MDGA1: variants seen among roughly 807,000 people sequenced by gnomAD.
MDGA1 encodes the protein MAM domain-containing glycosylphosphatidylinositol anchor protein 1.
In MDGA1, 54 loss-of-function variants were observed where a neutral mutation model predicts 101.5. The ratio of observed to expected loss-of-function variants is 0.53; its 90% CI spans 0.43 to 0.67. MDGA1 has a LOEUF of 0.67. Among genes scored for constraint, MDGA1 ranks in the 30% least tolerant of loss-of-function variants. The probability of loss-of-function intolerance (pLI) is 0.00; values close to 1 mark genes in which losing one functional copy is unlikely to be tolerated. For synonymous variants in MDGA1, 533 were observed against 558.3 expected (o/e 0.95, Z 0.64); for missense variants, 1,083 against 1,323.8 (o/e 0.82, Z 2.82).
chr6:37,638,182 C>G lies in MDGA1; in HGVS notation c.2776+23G>C. 1 of 1,602,284 alleles carries G rather than the reference C, an allele frequency of 6.2e-7. No homozygotes were observed. Among genetic ancestry groups the G allele is most frequent in the Non-Finnish European group, 8.6e-7 (1 of 1,169,420 alleles). On this transcript the variant is annotated intron_variant, in intron 16 of 16. Coordinates refer to ENST00000434837, the MANE Select transcript of MDGA1 (RefSeq NM_153487.4). This position sits in a 1 kb window ranked among gnomAD's most constrained non-coding sequence, Gnocchi z 4.8. ...CACAGCTCCCTCCAGATTCAGCTCC[C>G]CCACCTCCTTCCCGTCTTGCACCTT... is the stretch of plus-strand genomic sequence containing the variant.
chr6:37,684,436 G>C (rs1463004363), intron 1 of MDGA1, among the ~76,000 whole-genome samples: 2 of 152,218 alleles, frequency 1.3e-5, no homozygotes, highest in Admixed American at 6.5e-5. Context: ...ACAGGGGTAG[G>C]GGAAGGATTA....
At chr6:37,642,593 C>A (rs1473021673) in intron 14 of MDGA1, among the ~76,000 whole-genome samples, 2 of 152,114 alleles carry the variant, frequency 1.3e-5, no homozygotes, top group African/African-American at 4.8e-5. Flanking sequence ...CCCTTTTGTA[C>A]CTTTTGGCCT....
intron 1 of MDGA1, among the ~76,000 whole-genome samples, chr6:37,672,484 C>G (rs138224446): frequency 7.9e-5 from 12 of 152,334 alleles, no homozygotes; most frequent in Admixed American, 7.8e-4. Flanking sequence ...GACTGTTGCC[C>G]TCTTCCTGCT....
chr6:37,649,180 T>A lies in MDGA1; in HGVS notation c.1696A>T (p.Ser566Cys). The change falls in exon 9 of 17, where the codon AGC becomes TGC. Residue 566 changes from serine (S) to cysteine (C), a missense_variant. Transcript: ENST00000434837. ...VLLRCSLLRG[S>C]PQRIASAVWR... ...ACAGCCGAGGCGATGCGCTGGGGGC[T>A]GCCTCGCAGCAGCGAGCAGCGCAGG... 1 of 1,499,076 alleles carries A rather than the reference T, an allele frequency of 6.7e-7. No homozygotes were observed. Among genetic ancestry groups the A allele is most frequent in the South Asian group, 1.3e-5 (1 of 79,234 alleles). The allele number at this position is 1,499,076 out of a possible 1,614,324, so 92.9% of individuals were successfully genotyped here.
intron 1 of MDGA1, among the ~76,000 whole-genome samples, chr6:37,680,499 C>T (rs954651078): frequency 6.6e-6 from 1 of 152,208 alleles, no homozygotes; most frequent in African/African-American, 2.4e-5. Flanking sequence ...TGAAGACGAC[C>T]GGACCCTGCA....
chr6:37,697,696 C>T lies in MDGA1; in HGVS notation c.-885G>A, dbSNP rs1157497406. 6.6e-6 allele frequency: 1 copy of T among 150,974 alleles called. No homozygotes were observed. Among genetic ancestry groups the T allele is most frequent in the Non-Finnish European group, 1.5e-5 (1 of 67,704 alleles). The allele number at this position is 150,974 out of a possible 1,614,324, so 9.4% of individuals were successfully genotyped here. Reference sequence around the variant, plus strand: ...CGTCTGGCCGCGGCCGTAGCCCTCCCGGGCTCCGAGCTCTCGGGAGAGCGG... The same window carrying T: ...CGTCTGGCCGCGGCCGTAGCCCTCCTGGGCTCCGAGCTCTCGGGAGAGCGG... On this transcript the variant is annotated 5_prime_UTR_variant, in exon 1 of 17. Coordinates refer to ENST00000434837, the MANE Select transcript of MDGA1 (RefSeq NM_153487.4).
chr6:37,632,174 T>A lies in MDGA1; in HGVS notation c.*5194A>T, dbSNP rs1362153395. On this transcript the variant is annotated 3_prime_UTR_variant, in exon 17 of 17. Coordinates refer to ENST00000434837, the MANE Select transcript of MDGA1 (RefSeq NM_153487.4). ...CCAACCCAAATAAGAACCCTCTTCATACCTTCTTTCATAGCACCAATTTCC... is the reference window on the plus strand; with the variant it reads ...CCAACCCAAATAAGAACCCTCTTCAAACCTTCTTTCATAGCACCAATTTCC... The A allele has an allele frequency of 6.6e-6, 1 of 152,234 alleles. No homozygotes were observed. The highest frequency in any genetic ancestry group is 2.1e-4 in the South Asian group (1 of 4,820). 9.4% of individuals were successfully genotyped at this position (152,234 alleles called of 1,614,324 possible).
At chr6:37,640,364 T>A (rs1434550759) in intron 14 of MDGA1, among the ~76,000 whole-genome samples, 3 of 151,598 alleles carry the variant, frequency 2.0e-5, no homozygotes, top group Non-Finnish European at 4.4e-5. Flanking sequence ...TCATTCTTTT[T>A]TCGGAGGGGG....
chr6:37,696,600 G>T lies in MDGA1; in HGVS notation c.67+145C>A. 1 of 749,514 alleles carries T rather than the reference G, an allele frequency of 1.3e-6. No individual in the cohort carries two copies. Among genetic ancestry groups the T allele is most frequent in the Non-Finnish European group, 2.3e-6 (1 of 443,514 alleles). 46.4% of individuals were successfully genotyped at this position (749,514 alleles called of 1,614,324 possible). On this transcript the variant is annotated intron_variant, in intron 1 of 16. Transcript: ENST00000434837. The surrounding 1 kb of genome is among the most constrained non-coding windows in gnomAD (Gnocchi z 5.6). ...CCGAAGCAGCTAGCTCGGTCTCCAC[G>T]CGCCCTGGAGAGGGCGGGGACGCGG...
At chr6:37,693,921 A>G (rs1762364425) in intron 1 of MDGA1, among the ~76,000 whole-genome samples, 1 of 152,152 alleles carries the variant, frequency 6.6e-6, no homozygotes, top group Non-Finnish European at 1.5e-5. Context: ...CCTATTGCAG[A>G]CCATGGATCC....
In MDGA1 at chr6:37,655,596, A is replaced by G; in HGVS notation, c.579+104T>C. 1 of 811,046 alleles carries G rather than the reference A, an allele frequency of 1.2e-6. No individual in the cohort carries two copies. The highest frequency in any genetic ancestry group is 1.9e-6 in the Non-Finnish European group (1 of 515,416). The allele number at this position is 811,046 out of a possible 1,614,324, so 50.2% of individuals were successfully genotyped here. A position where few individuals can be genotyped will look rare whatever the true frequency, so the allele number is the denominator to read the frequency against. On this transcript the variant is annotated intron_variant, in intron 4 of 16. Transcript: ENST00000434837. This position sits in a 1 kb window ranked among gnomAD's most constrained non-coding sequence, Gnocchi z 5.1. ...GAATGTGTGTTTCCAAAGTAAGAAT[A>G]GAATTGTTGAAGTCAAGGCAGTCCC...
At chr6:37,682,882 G>A (rs1361997223) in intron 1 of MDGA1, among the ~76,000 whole-genome samples, 1 of 152,226 alleles carries the variant, frequency 6.6e-6, no homozygotes, top group South Asian at 2.1e-4. Context: ...CCGGACTCAT[G>A]AGGCTCAGGT....
At position 37,663,933 on chromosome 6, in the gene MDGA1, G is replaced by C. The variant is rs745441017; in HGVS notation, c.207+34C>G. The C allele has an allele frequency of 1.4e-5, 22 of 1,612,250 alleles. No individual in the cohort carries two copies. In the South Asian group the frequency reaches 2.2e-4, roughly 16 times the overall value. On this transcript the variant is annotated intron_variant, in intron 2 of 16. Transcript: ENST00000434837. ...CTGAGCCTAGGCAAGGTGAGGGTAG[G>C]AGGGGCCTGAGCAAGGCTGGGCTGG... is the stretch of plus-strand genomic sequence containing the variant.
Position 37,673,942 on chromosome 6 carries a change from T to A in MDGA1, c.68-9836A>T, listed in dbSNP as rs190350900. Among the ~76,000 whole-genome samples, 203 of 152,288 alleles carry A rather than the reference T, an allele frequency of 1.3e-3. 4 individuals are homozygous for A. Among genetic ancestry groups the A allele is most frequent in the Admixed American group, 0.012 (179 of 15,290 alleles). ...TTCCCATCCTCCCTCTCGCTCCCTG[T>A]CCTCCCAGTCCCTCAAAGGGCACAC... On this transcript the variant is annotated intron_variant, in intron 1 of 16. Coordinates refer to ENST00000434837, the MANE Select transcript of MDGA1 (RefSeq NM_153487.4).
chr6:37,638,419 C>T lies in MDGA1; in HGVS notation c.2668-106G>A, dbSNP rs904145418. On this transcript the variant is annotated intron_variant, in intron 15 of 16. Transcript: ENST00000434837. This position sits in a 1 kb window ranked among gnomAD's most constrained non-coding sequence, Gnocchi z 4.8. ...CCCCTTAATCTACCTGGAAGTTCCC[C>T]CTAACCTGACTCTTTCCATCCTTAG... The T allele has an allele frequency of 1.3e-6, 2 of 1,542,332 alleles. No homozygotes were observed. The highest frequency in any genetic ancestry group is 1.4e-5 in the African/African-American group (1 of 73,538).
chr6:37,637,868 T>TA (rs1347279820), intron 16 of MDGA1: 1 of 527,854 alleles, frequency 1.9e-6, no homozygotes, highest in Non-Finnish European at 3.3e-6. Context: ...GAGCTGTTAG[T>TA]ATTGGAAACC....
At chr6:37,650,022 G>T in intron 8 of MDGA1, 87 bp downstream of exon 8, 1 of 1,529,646 alleles carries the variant, frequency 6.5e-7, no homozygotes, top group Non-Finnish European at 9.0e-7. Flanking sequence ...GTTGGACTGG[G>T]GTGGGTGAGA....
chr6:37,680,432 G>A (rs552514702), intron 1 of MDGA1, among the ~76,000 whole-genome samples: 64 of 152,362 alleles, frequency 4.2e-4, no homozygotes, highest in African/African-American at 1.3e-3. Flanking sequence ...ATGCATGAAG[G>A]AGGTGACAGA....
rs1234486885 is a variant in MDGA1 at position 37,696,791 on chromosome 6, T to C, written c.21A>G (p.Leu7=). 6.3e-7 allele frequency: 1 copy of C among 1,581,292 alleles called. No homozygotes were observed. The highest frequency in any genetic ancestry group is 8.6e-7 in the Non-Finnish European group (1 of 1,163,124). The change falls in exon 1 of 17, where the codon CTA becomes CTG. Residue 7 remains leucine, a synonymous_variant. Transcript: ENST00000434837. The surrounding 1 kb of genome is among the most constrained non-coding windows in gnomAD (Gnocchi z 5.6). ...AGTGGAAGGGGATCAGCGCCAGAAG[T>C]AGAAGGCAGGTCACCTCCATCTTCA... is the stretch of plus-strand genomic sequence containing the variant. MEVTCL[L]LLALIPFHCR... is the part of the protein sequence containing the mutation.
Sources: allele counts gnomAD v4.1 joint callset (sites outside exome capture counted in the v4.1 genomes callset), GRCh38; gene constraint gnomAD v4.1.1; non-coding constraint Gnocchi (gnomAD v3.1); transcripts MANE v1.5; gene names NCBI Gene and HGNC (gene_info 2026-07-23, HGNC 2026-07-21).